FBRSL1: variants seen among roughly 807,000 people sequenced by gnomAD.
FBRSL1 encodes the protein fibrosin like 1, also known as fibrosin-1-like protein.
In FBRSL1, 51 loss-of-function variants were observed where a neutral mutation model predicts 89.6. That is an observed-to-expected ratio of 0.57 (90% CI 0.45 to 0.72). The LOEUF is 0.72. FBRSL1 is among the 30% of genes least tolerant of loss of function. FBRSL1 has a pLI of 0.00. For missense variants in FBRSL1, 1,618 were observed against 1,451.8 expected (o/e 1.11, Z -1.86); for synonymous variants, 779 against 681.1 (o/e 1.14, Z -2.24).
chr12:132,517,283 C>G (rs922283206), intron 2 of FBRSL1, among the ~76,000 whole-genome samples: 1 of 152,228 alleles, frequency 6.6e-6, no homozygotes, highest in Non-Finnish European at 1.5e-5. Flanking sequence ...GGGGCCACGC[C>G]GGCCAGGGTG....
chr12:132,521,272 G>A (rs1042666484), intron 2 of FBRSL1, among the ~76,000 whole-genome samples: 2 of 152,198 alleles, frequency 1.3e-5, no homozygotes, highest in African/African-American at 4.8e-5. Flanking sequence ...GCAGGGGTGC[G>A]CTGTGTCCAC....
intron 5 of FBRSL1, chr12:132,566,480 T>C (rs904508361): frequency 7.1e-6 from 1 of 140,252 alleles, no homozygotes; most frequent in Admixed American, 7.2e-5. Context: ...TGAAGCTCAT[T>C]CCTGGAAACT....
chr12:132,540,450 C>G (rs2037164637), intron 4 of FBRSL1, among the ~76,000 whole-genome samples: 1 of 151,072 alleles, frequency 6.6e-6, no homozygotes, highest in Non-Finnish European at 1.5e-5. Context: ...CGGCCACCTA[C>G]CCACCCTGGC....
In FBRSL1 at chr12:132,572,327, C is replaced by G; in HGVS notation, c.1417C>G (p.Arg473Gly). 6.4e-7 allele frequency: 1 copy of G among 1,551,176 alleles called. No individual in the cohort carries two copies. The highest frequency in any genetic ancestry group is 1.7e-4 in the Middle Eastern group (1 of 5,988). Reference sequence around the variant, plus strand: ...GCCCAAGCTGGACAGCCCCTACTTCCGACATTCCAGCGTGAGTGTGAGTGT... The same window carrying G: ...GCCCAAGCTGGACAGCCCCTACTTCGGACATTCCAGCGTGAGTGTGAGTGT... ...YAPKLDSPYF[R>G]HSSVSFFPSF... Residue 473 changes from arginine (R) to glycine (G), a missense_variant, in exon 10 of 19, where the codon CGA becomes GGA. Physicochemically the swap from Arg to Gly is moderately radical, Grantham distance 125 (BLOSUM62 -2). Transcript: ENST00000680143.
At chr12:132,575,693 C>T (rs907694071) in intron 14 of FBRSL1, among the ~76,000 whole-genome samples, 9 of 152,372 alleles carry the variant, frequency 5.9e-5, no homozygotes, top group African/African-American at 1.9e-4. Flanking sequence ...CAGAGGAGGG[C>T]AGATCCTGCA....
At position 132,490,842 on chromosome 12, in the gene FBRSL1, G is replaced by T; in HGVS notation, c.272G>T (p.Ser91Ile). The T allele has an allele frequency of 1.4e-6, 2 of 1,416,956 alleles. No individual in the cohort carries two copies. Among genetic ancestry groups the T allele is most frequent in the Non-Finnish European group, 1.9e-6 (2 of 1,080,570 alleles). 87.8% of individuals were successfully genotyped at this position (1,416,956 alleles called of 1,614,324 possible). Residue 91 changes from serine (S) to isoleucine (I), a missense_variant, in exon 1 of 19, where the codon AGC (serine) becomes ATC (isoleucine). By Grantham distance (142) the Ser-to-Ile change is moderately radical. Coordinates refer to ENST00000680143, the MANE Select transcript of FBRSL1 (RefSeq NM_001367871.1). ...VIDGFAIASF[S>I]TLEALEKDMA... ...GACGGCTTCGCCATCGCCAGCTTCA[G>T]CACCCTGGAGGCCCTGGAGGTAGGT...
intron 5 of FBRSL1, among the ~76,000 whole-genome samples, chr12:132,550,320 C>T (rs1593448932): frequency 6.6e-6 from 1 of 150,612 alleles, no homozygotes; most frequent in African/African-American, 2.5e-5. Flanking sequence ...CCTGGCGGGG[C>T]GGGGACGGAG....
At chr12:132,541,778 G>A (rs1470128751) in intron 4 of FBRSL1, among the ~76,000 whole-genome samples, 3 of 152,240 alleles carry the variant, frequency 2.0e-5, no homozygotes, top group East Asian at 3.9e-4. Context: ...CCGCCCGAGC[G>A]TGCGGCCCAA....
intron 14 of FBRSL1, among the ~76,000 whole-genome samples, chr12:132,576,196 C>CTTTTT (rs916746441): frequency 8.0e-6 from 1 of 125,010 alleles, no homozygotes; most frequent in African/African-American, 3.2e-5. Context: ...TTTTCAGTTT[C>CTTTTT]TTTTTTTTTT....
intron 2 of FBRSL1, among the ~76,000 whole-genome samples, chr12:132,513,347 A>G (rs1193308539): frequency 2.6e-5 from 4 of 151,668 alleles, no homozygotes; most frequent in African/African-American, 9.7e-5. Flanking sequence ...GCCCAGGAAG[A>G]TGGGCTTGTG....
chr12:132,520,205 CCCCTCCAGCACACCCTCCTTGCA>C (rs1211270392), intron 2 of FBRSL1, among the ~76,000 whole-genome samples: 8 of 151,502 alleles, frequency 5.3e-5, no homozygotes, highest in African/African-American at 1.9e-4. Flanking sequence ...CCTCCTTGCA[CCCCTCCAGCACACCCTCCTTGCA>C]CCCTCCAGCA....
At chr12:132,575,153 G>A (rs752089620) in intron 14 of FBRSL1, among the ~76,000 whole-genome samples, 2 of 152,178 alleles carry the variant, frequency 1.3e-5, no homozygotes, top group Non-Finnish European at 2.9e-5. Context: ...GATGACGCAC[G>A]TCACCTCCGC....
Position 132,490,787 on chromosome 12 carries a change from G to A in FBRSL1, c.217G>A (p.Glu73Lys). ...GCGTCCCCCGCGCCGCCGCCGCCGC[G>A]AGTCCAGCTCGCAGGAGGAGGAGGT... ...TARPPRRRRR[E>K]SSSQEEEVID... The change falls in exon 1 of 19, where the codon GAG (glutamate) becomes AAG (lysine). Residue 73 changes from glutamate (E) to lysine (K), a missense_variant. Glu to Lys is a moderately conservative substitution (Grantham distance 56). Transcript: ENST00000680143. 2.4e-6 allele frequency: 3 copies of A among 1,257,550 alleles called. No individual in the cohort carries two copies. Among genetic ancestry groups the A allele is most frequent in the Non-Finnish European group, 3.0e-6 (3 of 999,362 alleles). 77.9% of individuals were successfully genotyped at this position (1,257,550 alleles called of 1,614,324 possible). A position where few individuals can be genotyped will look rare whatever the true frequency, so the allele number is the denominator to read the frequency against.
chr12:132,571,275 C>T, intron 9 of FBRSL1, 44 bp downstream of exon 9: 1 of 1,496,786 alleles, frequency 6.7e-7, no homozygotes, highest in Non-Finnish European at 9.0e-7. Context: ...GGCCAACGTG[C>T]CTCTCTGTCT....
chr12:132,521,851 G>T (rs534797680), intron 2 of FBRSL1, among the ~76,000 whole-genome samples: 2 of 152,352 alleles, frequency 1.3e-5, no homozygotes, highest in South Asian at 4.1e-4. Context: ...ACGGGGGCTG[G>T]TGTGGGGCCT....
At chr12:132,570,748 C>T (rs941075645) in intron 8 of FBRSL1, among the ~76,000 whole-genome samples, 39 of 152,222 alleles carry the variant, frequency 2.6e-4, no homozygotes, top group Non-Finnish European at 8.8e-5. Context: ...AGGCAGGACA[C>T]GTGCCCATGC....
intron 3 of FBRSL1, among the ~76,000 whole-genome samples, 177 bp from the exon 4 acceptor site, chr12:132,527,776 G>A (rs575686842): frequency 6.1e-5 from 9 of 146,802 alleles, no homozygotes; most frequent in African/African-American, 1.7e-4. Flanking sequence ...TGTGGGCTGC[G>A]GGGCTGCCGG....
intron 2 of FBRSL1, chr12:132,510,724 C>T (rs1298110780): frequency 1.4e-5 from 17 of 1,211,878 alleles, no homozygotes; most frequent in Non-Finnish European, 1.6e-5. Flanking sequence ...CATGCTCCCT[C>T]TCCCCCCACT....
intron 4 of FBRSL1, among the ~76,000 whole-genome samples, chr12:132,535,033 G>A (rs561967381): frequency 2.0e-4 from 30 of 152,360 alleles, no homozygotes; most frequent in Admixed American, 1.4e-3. Context: ...AGGTGGCGGC[G>A]CACAGCCCTG....
Sources: allele counts gnomAD v4.1 joint callset (sites outside exome capture counted in the v4.1 genomes callset), GRCh38; gene constraint gnomAD v4.1.1; transcripts MANE v1.5; gene names NCBI Gene and HGNC (gene_info 2026-07-23, HGNC 2026-07-21).